The following TRHDE variants were observed in gnomAD, a reference collection of about 807,000 sequenced individuals.
TRHDE encodes the protein thyrotropin releasing hormone degrading enzyme.
A neutral mutation model predicts 125.7 loss-of-function variants in TRHDE; 72 were observed. The observed-to-expected ratio is 0.57, with a 90% confidence interval of 0.47 to 0.70. The LOEUF (loss-of-function observed/expected upper bound fraction) is 0.70. TRHDE is among the 30% of genes least tolerant of loss of function. TRHDE has a pLI of 0.00. For synonymous variants in TRHDE, 509 were observed against 509.1 expected, an observed-to-expected ratio of 1.00 and a Z score of 0.00; for missense variants, 1,110 against 1,327.1, an observed-to-expected ratio of 0.84 and a Z score of 2.54.
intron 2 of TRHDE, among the ~76,000 whole-genome samples, chr12:72,121,711 C>T (rs1268128010): frequency 9.7e-5 from 14 of 144,588 alleles, no homozygotes; most frequent in South Asian, 2.2e-4. Context: ...TTGGTATTTA[C>T]GAAGGTGCCT....
chr12:72,595,615 G>T (rs1178695315), intron 12 of TRHDE, among the ~76,000 whole-genome samples: 1 of 151,940 alleles, frequency 6.6e-6, no homozygotes, highest in Non-Finnish European at 1.5e-5. Flanking sequence ...TAATTAAAAT[G>T]TGCAGTGGTT....
chr12:72,547,492 T>C (rs1417890112), intron 7 of TRHDE, among the ~76,000 whole-genome samples: 1 of 151,804 alleles, frequency 6.6e-6, no homozygotes, highest in African/African-American at 2.4e-5. Flanking sequence ...AATAAGGATC[T>C]GGAAAAAAGA....
At chr12:72,342,176 C>A (rs1870115172) in intron 2 of TRHDE, among the ~76,000 whole-genome samples, 1 of 152,048 alleles carries the variant, frequency 6.6e-6, no homozygotes, top group Non-Finnish European at 1.5e-5. Flanking sequence ...TATTTTGATT[C>A]TATTCACTCA....
At chr12:72,662,857 T>C (rs1874967118) in intron 18 of TRHDE, among the ~76,000 whole-genome samples, 195 bp from the exon 19 acceptor site, 1 of 150,262 alleles carries the variant, frequency 6.7e-6, no homozygotes, top group Admixed American at 6.6e-5. Context: ...TCACAACTAA[T>C]TGACATAATC....
At chr12:72,574,048 ATTAG>A (rs1290426675) in intron 10 of TRHDE, among the ~76,000 whole-genome samples, 2 of 152,046 alleles carry the variant, frequency 1.3e-5, no homozygotes, top group Non-Finnish European at 2.9e-5. Context: ...CATTGGGTTT[ATTAG>A]TTCACTTCAT....
intron 3 of TRHDE, among the ~76,000 whole-genome samples, chr12:72,427,370 C>T (rs1005361894): frequency 6.6e-6 from 1 of 152,116 alleles, no homozygotes; most frequent in Non-Finnish European, 1.5e-5. Context: ...CCCAGCCTGT[C>T]CTCTTCAGCT....
At chr12:72,653,319 T>A (rs545993139) in intron 17 of TRHDE, among the ~76,000 whole-genome samples, 163 bp downstream of exon 17, 1 of 152,258 alleles carries the variant, frequency 6.6e-6, no homozygotes, top group Non-Finnish European at 1.5e-5. Flanking sequence ...AAATTATTTT[T>A]AAAATTCTAT....
At chr12:72,203,393 A>G (rs1247306569) in intron 2 of TRHDE, among the ~76,000 whole-genome samples, 1 of 152,170 alleles carries the variant, frequency 6.6e-6, no homozygotes, top group Non-Finnish European at 1.5e-5. Context: ...GCGTGAGCCC[A>G]GGAGGCGGAG....
chr12:72,206,011 C>T lies in TRHDE; in HGVS notation n.279+100259C>T, dbSNP rs180693799. Reference sequence around the variant, plus strand: ...CAATTTTTCCACATCCTCACCAGCACCTGTGATTTTTCTGTTTTTTGATGG... The same window carrying T: ...CAATTTTTCCACATCCTCACCAGCATCTGTGATTTTTCTGTTTTTTGATGG... On this transcript the variant is annotated intron_variant and non_coding_transcript_variant, in intron 2 of 4. Transcript: ENST00000548156. Among the ~76,000 whole-genome samples the T allele has an allele frequency of 4.6e-5, 7 of 152,180 alleles. No homozygotes were observed. The East Asian group carries it at 1.4e-3, about 29-fold the overall frequency.
chr12:72,363,040 C>T (rs374515057), intron 2 of TRHDE, among the ~76,000 whole-genome samples: 4 of 151,896 alleles, frequency 2.6e-5, no homozygotes, highest in Non-Finnish European at 4.4e-5. Flanking sequence ...ATTGACTTGG[C>T]GATGCAGGCT....
intron 5 of TRHDE, among the ~76,000 whole-genome samples, chr12:72,478,922 C>CAAAAAAAAA (rs67346703): frequency 9.4e-5 from 10 of 106,172 alleles, no homozygotes; most frequent in Non-Finnish European, 1.5e-4. Flanking sequence ...TTTTTTTTAG[C>CAAAAAAAAA]AAAAAAAAAA....
intron 2 of TRHDE, among the ~76,000 whole-genome samples, chr12:72,337,626 T>G (rs1869887551): frequency 6.6e-6 from 1 of 152,010 alleles, no homozygotes; most frequent in Non-Finnish European, 1.5e-5. Context: ...TCTTTTCCTC[T>G]GAGCCAAGTC....
At chr12:72,604,124 A>G (rs10879460) in intron 12 of TRHDE, among the ~76,000 whole-genome samples, 25,301 of 152,146 alleles carry the variant, frequency 0.17, 2,655 homozygotes, top group East Asian at 0.54. Context: ...TAATTTAACA[A>G]AAGTCCAGAG....
chr12:72,333,269 T>C (rs1315196234), intron 2 of TRHDE, among the ~76,000 whole-genome samples: 1 of 152,212 alleles, frequency 6.6e-6, no homozygotes, highest in Non-Finnish European at 1.5e-5. Flanking sequence ...ATATAGATTG[T>C]CTTGAACATT....
intron 2 of TRHDE, among the ~76,000 whole-genome samples, chr12:72,206,388 C>A (rs189539229): frequency 6.9e-4 from 105 of 152,320 alleles, no homozygotes; most frequent in Admixed American, 6.9e-3. Flanking sequence ...CCACCACACC[C>A]AGCAGGACTG....
At chr12:72,540,568 T>C (rs2135985735) in intron 6 of TRHDE, among the ~76,000 whole-genome samples, 1 of 151,848 alleles carries the variant, frequency 6.6e-6, no homozygotes, top group South Asian at 2.1e-4. Flanking sequence ...CTGCTTTAGA[T>C]ACTAAGTCTC....
chr12:72,491,601 C>T (rs544195573), intron 5 of TRHDE, among the ~76,000 whole-genome samples: 99 of 151,934 alleles, frequency 6.5e-4, no homozygotes, highest in Non-Finnish European at 1.1e-3. Flanking sequence ...CATGAGGCAG[C>T]TGAAGGGTTT....
intron 3 of TRHDE, among the ~76,000 whole-genome samples, chr12:72,406,724 T>C (rs926834011): frequency 1.3e-5 from 2 of 152,212 alleles, no homozygotes; most frequent in African/African-American, 2.4e-5. Flanking sequence ...AACAATTTAG[T>C]ACAATTTAGC....
At chr12:72,362,627 A>C (rs1271199480) in intron 2 of TRHDE, among the ~76,000 whole-genome samples, 19 of 150,588 alleles carry the variant, frequency 1.3e-4, no homozygotes, top group African/African-American at 4.6e-4. Flanking sequence ...TTTAGACATG[A>C]AGTCCTTGCC....
Sources: allele counts gnomAD v4.1 joint callset (sites outside exome capture counted in the v4.1 genomes callset), GRCh38; gene constraint gnomAD v4.1.1; transcripts MANE v1.5; gene names NCBI Gene and HGNC (gene_info 2026-07-23, HGNC 2026-07-21).